SPATA13: variants seen among roughly 807,000 people sequenced by gnomAD.
SPATA13 encodes the protein spermatogenesis associated 13, also known as spermatogenesis-associated protein 13.
A neutral mutation model predicts 104.0 loss-of-function variants in SPATA13; 50 were observed. The ratio of observed to expected loss-of-function variants is 0.48; its 90% CI spans 0.38 to 0.61. The LOEUF is 0.61. Ranked by LOEUF, SPATA13 falls within the 20% of genes least tolerant of loss-of-function variation. SPATA13 has a pLI of 0.00. For missense variants in SPATA13, 1,524 were observed against 1,690.6 expected, an observed-to-expected ratio of 0.90 and a Z score of 1.73; for synonymous variants, 606 against 667.5, an observed-to-expected ratio of 0.91 and a Z score of 1.42.
At chr13:24,302,491 A>AATT (rs1298997378) in intron 12 of SPATA13, 107 bp from the exon 13 acceptor site, 12 of 460,676 alleles carry the variant, frequency 2.6e-5, no homozygotes, top group African/African-American at 1.4e-4. Flanking sequence ...AAAAAAAAAG[A>AATT]ATTAGCTGAG....
chr13:24,222,018 G>A (rs1871614247), intron 1 of SPATA13, among the ~76,000 whole-genome samples: 1 of 152,044 alleles, frequency 6.6e-6, no homozygotes, highest in Admixed American at 6.6e-5. Context: ...TCATGATATT[G>A]GCCAGGCTGG....
intron 4 of SPATA13, among the ~76,000 whole-genome samples, chr13:24,282,170 G>A (rs538220899): frequency 4.6e-5 from 7 of 152,008 alleles, no homozygotes; most frequent in South Asian, 2.1e-4. Flanking sequence ...GATGGTGGGG[G>A]GTGGGAGTCT....
chr13:24,022,321 G>C (rs1414572272), intron 3 of SPATA13, among the ~76,000 whole-genome samples: 1 of 152,236 alleles, frequency 6.6e-6, no homozygotes, highest in African/African-American at 2.4e-5. Flanking sequence ...ATAGGCGTGA[G>C]CCACTGCGCC....
chr13:24,222,978 A>T lies in SPATA13; in HGVS notation c.49A>T (p.Thr17Ser). The T allele has an allele frequency of 3.2e-6, 5 of 1,551,234 alleles. No homozygotes were observed. The highest frequency in any genetic ancestry group is 4.4e-6 in the Non-Finnish European group (5 of 1,146,726). Residue 17 changes from threonine (T) to serine (S), a missense_variant, in exon 2 of 13, where the codon ACC becomes TCC. By Grantham distance (58) the Thr-to-Ser change is moderately conservative (BLOSUM62 1). Around this residue, in one of 2 missense-constraint regions of SPATA13, gnomAD observed 1,089 missense variants for 1,135.9 expected, o/e 0.96. Coordinates refer to ENST00000382108, the MANE Select transcript of SPATA13 (RefSeq NM_001166271.3). Reference protein sequence around the residue: ...RPWAPCLENMTTAPNGLGPGP... With the variant: ...RPWAPCLENMSTAPNGLGPGP... ...CTGGGCACCCTGCCTGGAGAACATG[A>T]CCACTGCCCCAAACGGCCTCGGGCC...
intron 2 of SPATA13, among the ~76,000 whole-genome samples, chr13:24,015,252 A>G (rs1391089116): frequency 6.6e-6 from 1 of 152,198 alleles, no homozygotes; most frequent in Non-Finnish European, 1.5e-5. Context: ...AATAGATACA[A>G]AAAGTCTTAT....
At chr13:24,064,940 C>T (rs924849164) in intron 3 of SPATA13, among the ~76,000 whole-genome samples, 2 of 151,224 alleles carry the variant, frequency 1.3e-5, no homozygotes, top group Admixed American at 1.3e-4. Context: ...ATCAATACTC[C>T]TCAAAGCTTC....
At chr13:24,231,248 C>T (rs752954891) in intron 2 of SPATA13, among the ~76,000 whole-genome samples, 23 of 152,202 alleles carry the variant, frequency 1.5e-4, no homozygotes, top group Non-Finnish European at 2.2e-4. Context: ...AAAGAAGCCT[C>T]GCGCCATTTG....
chr13:24,224,888 G>A (rs1871843879), intron 2 of SPATA13: 1 of 438,808 alleles, frequency 2.3e-6, no homozygotes, highest in Admixed American at 3.4e-5. Flanking sequence ...AAAAAAATAA[G>A]TTGTAAACAA....
intron 2 of SPATA13, among the ~76,000 whole-genome samples, chr13:24,014,019 G>A (rs966735348): frequency 6.6e-6 from 1 of 152,134 alleles, no homozygotes; most frequent in African/African-American, 2.4e-5. Context: ...CACGCAAAGG[G>A]GCTGTATACG....
At chr13:24,221,351 G>A (rs715921) in intron 1 of SPATA13, among the ~76,000 whole-genome samples, 43,278 of 152,074 alleles carry the variant, frequency 0.28, 6,530 homozygotes, top group East Asian at 0.5. Context: ...AAAGTTGGTA[G>A]TCTTTTATGG....
chr13:24,117,608 T>C (rs554301503), intron 3 of SPATA13, among the ~76,000 whole-genome samples: 2 of 152,238 alleles, frequency 1.3e-5, no homozygotes, highest in Non-Finnish European at 2.9e-5. Context: ...CATTTTTCTC[T>C]GAGCTTTCTT....
At chr13:24,277,007 A>C (rs1875035926) in intron 4 of SPATA13, among the ~76,000 whole-genome samples, 1 of 152,234 alleles carries the variant, frequency 6.6e-6, no homozygotes, top group Non-Finnish European at 1.5e-5. Flanking sequence ...AACAATGTCT[A>C]CTGAGAGTAT....
chr13:24,006,618 C>G (rs1033415489), intron 2 of SPATA13, among the ~76,000 whole-genome samples: 2 of 152,184 alleles, frequency 1.3e-5, no homozygotes, highest in African/African-American at 4.8e-5. Flanking sequence ...GACCCTAACT[C>G]TGGGAGGTGC....
intron 1 of SPATA13, among the ~76,000 whole-genome samples, chr13:24,185,428 A>G (rs888062228): frequency 6.6e-6 from 1 of 152,148 alleles, no homozygotes; most frequent in Admixed American, 6.5e-5. Flanking sequence ...GATCCACTTA[A>G]TGAGAAATAA....
At chr13:24,068,331 T>C (rs941871924) in intron 3 of SPATA13, among the ~76,000 whole-genome samples, 2 of 152,240 alleles carry the variant, frequency 1.3e-5, no homozygotes, top group African/African-American at 4.8e-5. Context: ...TGTTCTTTTT[T>C]GTGGTTGCAT....
chr13:24,221,449 A>AGCTTT (rs1871581395), intron 1 of SPATA13, among the ~76,000 whole-genome samples: 1 of 151,874 alleles, frequency 6.6e-6, no homozygotes, highest in Non-Finnish European at 1.5e-5. Flanking sequence ...TTGAAGGCTA[A>AGCTTT]GCAGGTCTTG....
intron 2 of SPATA13, among the ~76,000 whole-genome samples, chr13:24,248,635 G>A (rs187300499): frequency 4.3e-4 from 66 of 152,252 alleles, no homozygotes; most frequent in African/African-American, 1.1e-3. Flanking sequence ...TTCAGTGCTC[G>A]CCCCATCAGA....
At chr13:24,284,371 T>A (rs989838654) in intron 5 of SPATA13, 100 bp downstream of exon 5, 2 of 1,313,718 alleles carry the variant, frequency 1.5e-6, no homozygotes, top group African/African-American at 2.9e-5. Flanking sequence ...TTACTAAGCA[T>A]GTCCGAAAAC....
intron 3 of SPATA13, among the ~76,000 whole-genome samples, chr13:24,149,504 T>C (rs1178751913): frequency 1.3e-5 from 2 of 152,222 alleles, no homozygotes; most frequent in African/African-American, 4.8e-5. Flanking sequence ...GGGTGGACTC[T>C]GAAGAGACAA....
Sources: allele counts gnomAD v4.1 joint callset (sites outside exome capture counted in the v4.1 genomes callset), GRCh38; gene constraint gnomAD v4.1.1; regional missense constraint gnomAD v4.1.1; transcripts MANE v1.5; gene names NCBI Gene and HGNC (gene_info 2026-07-23, HGNC 2026-07-21).